MGAT4C: variants seen among roughly 807,000 people sequenced by gnomAD.
The protein encoded by MGAT4C is alpha-1,3-mannosyl-glycoprotein 4-beta-N-acetylglucosaminyltransferase C.
Under a neutral mutation model 40.1 loss-of-function variants are expected in MGAT4C, and 19 were observed. The ratio of observed to expected loss-of-function variants is 0.47; its 90% confidence interval spans 0.33 to 0.70. The LOEUF (loss-of-function observed/expected upper bound fraction) is 0.70. Among genes scored for constraint, MGAT4C ranks in the 30% least tolerant of loss-of-function variants. The pLI, the probability that MGAT4C is intolerant of heterozygous loss-of-function variation, is 0.02. For synonymous variants in MGAT4C, 181 were observed against 187.1 expected (o/e 0.97, Z 0.27); for missense variants, 491 against 563.2 (o/e 0.87, Z 1.30).
chr12:86,218,896 T>A (rs1280898119), intron 1 of MGAT4C, among the ~76,000 whole-genome samples: 1 of 152,142 alleles, frequency 6.6e-6, no homozygotes, highest in East Asian at 1.9e-4. Flanking sequence ...GTATGTAAAT[T>A]CAGGCCAGGC....
rs12318727 is a variant in MGAT4C, at chr12:86,230,381, A to G, written c.-57+25858T>C. On this transcript the variant is annotated intron_variant, in intron 1 of 4. Transcript: ENST00000611864. ...AAGGGAAAATGTCTTGGCATTTCAGATAACATCAATATAAGTGAACAAGCT... is the reference window on the plus strand; with the variant it reads ...AAGGGAAAATGTCTTGGCATTTCAGGTAACATCAATATAAGTGAACAAGCT... Among the ~76,000 whole-genome samples, 1,190 of 152,250 alleles carry G rather than the reference A, an allele frequency of 7.8e-3. 20 individuals carry two copies. Among genetic ancestry groups the G allele is most frequent in the African/African-American group, 0.027 (1,141 of 41,558 alleles).
intron 1 of MGAT4C, among the ~76,000 whole-genome samples, chr12:86,198,337 T>C (rs186303339): frequency 2.4e-4 from 36 of 152,310 alleles, no homozygotes; most frequent in Admixed American, 6.5e-4. Context: ...TTAGCACTAT[T>C]GCAAAACCCA....
At chr12:86,488,804 A>C (rs1195010998) in intron 2 of MGAT4C, among the ~76,000 whole-genome samples, 1 of 152,204 alleles carries the variant, frequency 6.6e-6, no homozygotes. Flanking sequence ...GCTGCTATAA[A>C]TGGTAGAATA....
chr12:86,302,041 C>T (rs1035368197), intron 4 of MGAT4C, among the ~76,000 whole-genome samples: 7 of 150,912 alleles, frequency 4.6e-5, no homozygotes, highest in Admixed American at 2.0e-4. Flanking sequence ...TTATGAAACT[C>T]TAGAATAAAT....
At chr12:86,425,589 A>ATAC (rs774645440) in intron 3 of MGAT4C, among the ~76,000 whole-genome samples, 1 of 152,212 alleles carries the variant, frequency 6.6e-6, no homozygotes, top group East Asian at 1.9e-4. Context: ...ACAAATTACT[A>ATAC]TACTGTTATA....
At chr12:86,683,017 A>G (rs757417349) in intron 2 of MGAT4C, among the ~76,000 whole-genome samples, 3 of 152,166 alleles carry the variant, frequency 2.0e-5, no homozygotes, top group Non-Finnish European at 4.4e-5. Flanking sequence ...ACTGGATTGA[A>G]ATAACAATAT....
chr12:86,526,262 G>A (rs1272601242), intron 2 of MGAT4C, among the ~76,000 whole-genome samples: 2 of 152,096 alleles, frequency 1.3e-5, no homozygotes, highest in Non-Finnish European at 2.9e-5. Flanking sequence ...TGCCCACCAA[G>A]GTTCCAACTG....
chr12:86,129,075 C>A (rs1459722545), intron 1 of MGAT4C, among the ~76,000 whole-genome samples: 1 of 152,128 alleles, frequency 6.6e-6, no homozygotes, highest in African/African-American at 2.4e-5. Context: ...GATATGCTGA[C>A]TGACTTTGGT....
chr12:86,770,210 A>G (rs1427941896), intron 1 of MGAT4C, among the ~76,000 whole-genome samples: 1 of 152,070 alleles, frequency 6.6e-6, no homozygotes, highest in Admixed American at 6.6e-5. Context: ...TTTAATATAA[A>G]TATCCATTTA....
intron 2 of MGAT4C, among the ~76,000 whole-genome samples, chr12:86,563,068 C>T (rs973884571): frequency 2.0e-5 from 3 of 152,126 alleles, no homozygotes; most frequent in African/African-American, 7.2e-5. Context: ...TAGACCTACT[C>T]ATCCCAACTG....
At chr12:86,681,025 C>T (rs1254547002) in intron 2 of MGAT4C, among the ~76,000 whole-genome samples, 1 of 151,826 alleles carries the variant, frequency 6.6e-6, no homozygotes, top group Non-Finnish European at 1.5e-5. Context: ...TTCAAAACCT[C>T]CTTAGCATAC....
chr12:86,735,738 C>T (rs926511295), intron 1 of MGAT4C, among the ~76,000 whole-genome samples: 3 of 151,744 alleles, frequency 2.0e-5, no homozygotes, highest in African/African-American at 4.8e-5. Flanking sequence ...GAAATCTCAT[C>T]CTACTCCAAC....
intron 1 of MGAT4C, among the ~76,000 whole-genome samples, chr12:86,239,070 A>G (rs943123037): frequency 5.3e-5 from 8 of 152,000 alleles, no homozygotes; most frequent in African/African-American, 9.7e-5. Context: ...TTTTTTTTAT[A>G]GTGGCATTCG....
At chr12:86,824,139 C>A (rs1952757198) in intron 1 of MGAT4C, among the ~76,000 whole-genome samples, 2 of 151,320 alleles carry the variant, frequency 1.3e-5, no homozygotes, top group South Asian at 4.1e-4. Context: ...GAGTGGCTGT[C>A]TCAGATCATC....
At chr12:86,773,495 A>G (rs1343520166) in intron 1 of MGAT4C, among the ~76,000 whole-genome samples, 1 of 152,150 alleles carries the variant, frequency 6.6e-6, no homozygotes, top group Non-Finnish European at 1.5e-5. Flanking sequence ...CTAGCAAACT[A>G]ATATAGAAGG....
At chr12:86,101,360 C>T (rs1875017958) in intron 1 of MGAT4C, among the ~76,000 whole-genome samples, 1 of 151,690 alleles carries the variant, frequency 6.6e-6, no homozygotes, top group Admixed American at 6.6e-5. Context: ...CAAAAGAGGG[C>T]AAGACCATTG....
chr12:86,688,260 C>T (rs1950111514), intron 2 of MGAT4C, among the ~76,000 whole-genome samples: 1 of 145,732 alleles, frequency 6.9e-6, no homozygotes. Flanking sequence ...AAATGGGTCT[C>T]CTGAATACAG....
intron 1 of MGAT4C, among the ~76,000 whole-genome samples, chr12:86,211,263 G>A (rs1446844209): frequency 2.7e-5 from 4 of 149,276 alleles, no homozygotes; most frequent in Non-Finnish European, 6.0e-5. Context: ...GCTTTTGCCT[G>A]TTAAAACCAA....
At chr12:86,562,777 T>C (rs935496332) in intron 2 of MGAT4C, among the ~76,000 whole-genome samples, 1 of 152,048 alleles carries the variant, frequency 6.6e-6, no homozygotes, top group East Asian at 1.9e-4. Context: ...AGAACACCCA[T>C]AGGAATGGAT....
Sources: gnomAD v4.1 joint callset for allele counts (sites outside exome capture counted in the v4.1 genomes callset) on GRCh38, gnomAD v4.1.1 for gene constraint, MANE v1.5 for transcripts, NCBI Gene and HGNC (gene_info 2026-07-23, HGNC 2026-07-21) for gene names.